The following ZFP64 variants were observed in gnomAD, a reference collection of about 807,000 sequenced individuals.
ZFP64 encodes the protein ZFP64 zinc finger protein.
In ZFP64, 14 loss-of-function variants were observed where a neutral mutation model predicts 51.6. That is an observed-to-expected ratio of 0.27 (90% CI 0.18 to 0.42). The LOEUF is 0.42. Ranked by LOEUF, ZFP64 falls within the 10% of genes least tolerant of loss-of-function variation. The pLI is 1.00. For synonymous variants in ZFP64, 375 were observed against 361.4 expected, an observed-to-expected ratio of 1.04 and a Z score of -0.43; for missense variants, 754 against 906.8, an observed-to-expected ratio of 0.83 and a Z score of 2.16.
At chr20:52,183,089 A>G (rs907051828) in intron 2 of ZFP64, among the ~76,000 whole-genome samples, 1 of 152,158 alleles carries the variant, frequency 6.6e-6, no homozygotes, top group Non-Finnish European at 1.5e-5. Flanking sequence ...CCTGGAGGAA[A>G]TGTGGCTCAT....
At chr20:52,166,416 G>A (rs1430147057) in intron 2 of ZFP64, among the ~76,000 whole-genome samples, 1 of 151,986 alleles carries the variant, frequency 6.6e-6, no homozygotes, top group Non-Finnish European at 1.5e-5. Context: ...GAAATCAGAT[G>A]CTGAGTCAGA....
At chr20:52,132,934 G>A (rs1224928070) in intron 5 of ZFP64, among the ~76,000 whole-genome samples, 1 of 152,038 alleles carries the variant, frequency 6.6e-6, no homozygotes, top group Non-Finnish European at 1.5e-5. Flanking sequence ...CAATATCTCT[G>A]AAGAATATTG....
chr20:52,102,432 A>T (rs983724274), intron 5 of ZFP64, among the ~76,000 whole-genome samples: 2 of 152,122 alleles, frequency 1.3e-5, no homozygotes, highest in Non-Finnish European at 2.9e-5. Flanking sequence ...TTGCTCTGTG[A>T]GCAAGAAACT....
intron 5 of ZFP64, among the ~76,000 whole-genome samples, chr20:52,138,046 TAAATAAATAAGCA>T (rs1377377787): frequency 4.1e-5 from 5 of 123,174 alleles, no homozygotes; most frequent in Admixed American, 8.5e-5. Context: ...AATAAATAAA[TAAATAAATAAGCA>T]AGCCAGGCAT....
chr20:52,186,991 G>C lies in ZFP64; in HGVS notation c.127C>G (p.Leu43Val). ...TGCTTGTGAGCTACAAAGGCATCCA[G>C]GTTGTTAAACTGCTGCTTGCAGATG... ...CGICKQQFNNLDAFVAHKQSG... is the reference protein window; with the variant it reads ...CGICKQQFNNVDAFVAHKQSG... Residue 43 changes from leucine to valine, a missense_variant, in exon 2 of 6, where the codon CTG becomes GTG. By Grantham distance (32) the Leu-to-Val change is conservative (BLOSUM62 1). Coordinates refer to ENST00000216923, the MANE Select transcript of ZFP64 (RefSeq NM_018197.3). 1.9e-6 allele frequency: 3 copies of C among 1,614,168 alleles called. No individual in the cohort carries two copies. The highest frequency in any genetic ancestry group is 2.5e-6 in the Non-Finnish European group (3 of 1,179,998).
rs546297058 is a variant in ZFP64, at chr20:52,160,475, G to A, written c.512-101C>T. ...ACGAAAAAAGTCATATACAACCACCGAAGAATATTCCAAAAACCCTAAAAC... is the reference window on the plus strand; with the variant it reads ...ACGAAAAAAGTCATATACAACCACCAAAGAATATTCCAAAAACCCTAAAAC... On this transcript the variant is annotated intron_variant, in intron 4 of 5. Transcript: ENST00000216923. This position sits in a 1 kb window ranked among gnomAD's most constrained non-coding sequence, Gnocchi z 4.2. 2.3e-5 allele frequency: 33 copies of A among 1,465,040 alleles called. No homozygotes were observed. Among genetic ancestry groups the A allele is most frequent in the South Asian group, 1.9e-4 (14 of 72,034 alleles). 90.8% of individuals were successfully genotyped at this position (1,465,040 alleles called of 1,614,324 possible).
rs770541250 is a variant in ZFP64, at chr20:52,084,634, CGCTTTCCGGTGGGAA to C, written c.1846_1860del (p.Phe616_Ser620del). ...AGGGTGCTGAGCTGTCCCGAGGCAC[CGCTTTCCGGTGGGAA>C]GGTGACCAAGTCTGAGTTCTTGTTC... is the stretch of plus-strand genomic sequence containing the variant. On this transcript the variant is annotated inframe_deletion, in exon 9 of 9. Coordinates refer to the ZFP64 transcript ENST00000361387. 24 of 1,614,068 alleles carry C rather than the reference CGCTTTCCGGTGGGAA, an allele frequency of 1.5e-5. No homozygotes were observed. In the South Asian group the frequency reaches 2.6e-4, roughly 18 times the overall value.
At chr20:52,105,905 A>T (rs1445173946) in intron 5 of ZFP64, among the ~76,000 whole-genome samples, 1 of 151,932 alleles carries the variant, frequency 6.6e-6, no homozygotes, top group Non-Finnish European at 1.5e-5. Flanking sequence ...GGTCATTCTG[A>T]TGTGCATCCA....
chr20:52,101,392 G>C (rs112999914), intron 5 of ZFP64, among the ~76,000 whole-genome samples: 1 of 151,520 alleles, frequency 6.6e-6, no homozygotes, highest in African/African-American at 2.4e-5. Context: ...TTTTTTTTGA[G>C]ACAAGGTCTC....
chr20:52,129,650 G>A (rs532612935), intron 5 of ZFP64, among the ~76,000 whole-genome samples: 230 of 152,156 alleles, frequency 1.5e-3, no homozygotes, highest in Non-Finnish European at 2.4e-3. Flanking sequence ...TGGTCACCCC[G>A]GCCCTGGCCC....
At chr20:52,173,759 C>G (rs923706474) in intron 2 of ZFP64, among the ~76,000 whole-genome samples, 1 of 151,996 alleles carries the variant, frequency 6.6e-6, no homozygotes, top group Non-Finnish European at 1.5e-5. Flanking sequence ...AGTGATTCTC[C>G]TGCCTCAGCC....
intron 5 of ZFP64, among the ~76,000 whole-genome samples, chr20:52,140,732 G>A (rs1051845480): frequency 2.0e-5 from 3 of 152,184 alleles, no homozygotes; most frequent in Non-Finnish European, 4.4e-5. Flanking sequence ...AGCTAAGATC[G>A]TTGATGAAGG....
Position 52,092,211 on chromosome 20 carries a change from G to C in ZFP64, c.977-3568C>G, listed in dbSNP as rs76393754. Among the ~76,000 whole-genome samples the C allele has an allele frequency of 2.4e-3, 369 of 152,268 alleles. 1 individual carries two copies. Among genetic ancestry groups the C allele is most frequent in the African/African-American group, 8.4e-3 (351 of 41,542 alleles). On this transcript the variant is annotated intron_variant, in intron 7 of 8. Coordinates refer to the ZFP64 transcript ENST00000361387. Reference sequence around the variant, plus strand: ...AAAAGAGAGGATACCAACAGATCAGGGTTCTTAATCTCAACACTATTAGAA... The same window carrying C: ...AAAAGAGAGGATACCAACAGATCAGCGTTCTTAATCTCAACACTATTAGAA...
intron 5 of ZFP64, among the ~76,000 whole-genome samples, chr20:52,129,849 A>T (rs924638144): frequency 6.6e-6 from 1 of 152,208 alleles, no homozygotes; most frequent in Non-Finnish European, 1.5e-5. Flanking sequence ...TGTCACCACC[A>T]TGGTATGCCC....
In ZFP64 at chr20:52,130,604, A is replaced by G. The variant is rs530495107; in HGVS notation, c.763+29519T>C. Among the ~76,000 whole-genome samples the G allele has an allele frequency of 9.2e-5, 14 of 152,272 alleles. No homozygotes were observed. The South Asian group carries it at 1.0e-3, about 11-fold the overall frequency. On this transcript the variant is annotated intron_variant, in intron 5 of 8. Coordinates refer to the ZFP64 transcript ENST00000361387. ...TCCTTTTTGCTCATGGAAACTTCAC[A>G]TGTTTCCAGAACAACATCTAGCCTA...
rs1338056699 is a variant in ZFP64 at position 52,152,793 on chromosome 20, G to A, written c.1399C>T (p.Pro467Ser). The change falls in exon 6 of 6, where the codon CCC (proline) becomes TCC (serine). Residue 467 changes from proline (P) to serine (S), a missense_variant. By Grantham distance (74) the Pro-to-Ser change is moderately conservative (BLOSUM62 -1). This residue lies in a region of ZFP64 where 428 missense variants were observed against 472.4 expected (regional missense o/e 0.91). Coordinates refer to ENST00000216923, the MANE Select transcript of ZFP64 (RefSeq NM_018197.3). ...AGGGGCGTGGCGGGCTGCTTGCTGGGGTCGATCTGAAACTGGAGAACGGTC... is the reference window on the plus strand; with the variant it reads ...AGGGGCGTGGCGGGCTGCTTGCTGGAGTCGATCTGAAACTGGAGAACGGTC... ...DVTVLQFQID[P>S]SKQPATPLTV... 2 of 1,609,348 alleles carry A rather than the reference G, an allele frequency of 1.2e-6. No individual in the cohort carries two copies. Among genetic ancestry groups the A allele is most frequent in the African/African-American group, 1.3e-5 (1 of 74,880 alleles).
intron 7 of ZFP64, chr20:52,088,990 C>T (rs762782963): frequency 9.4e-6 from 5 of 530,908 alleles, no homozygotes; most frequent in Non-Finnish European, 1.9e-5. Context: ...GGAGAATGGT[C>T]AGGTGGACCC....
At chr20:52,122,993 CTCTT>C (rs1189753432) in intron 5 of ZFP64, among the ~76,000 whole-genome samples, 1 of 120,912 alleles carries the variant, frequency 8.3e-6, no homozygotes, top group East Asian at 2.0e-4. Context: ...AGGGGATTGA[CTCTT>C]TTTTTTTTCA....
intron 7 of ZFP64, among the ~76,000 whole-genome samples, chr20:52,095,688 T>A (rs965151335): frequency 6.6e-6 from 1 of 152,212 alleles, no homozygotes; most frequent in Non-Finnish European, 1.5e-5. Context: ...ATCTTTTATG[T>A]CCTGGATCCC....
Sources: gnomAD v4.1 joint callset for allele counts (sites outside exome capture counted in the v4.1 genomes callset) on GRCh38, gnomAD v4.1.1 for gene constraint, gnomAD v4.1.1 regional missense constraint, Gnocchi (gnomAD v3.1) non-coding constraint, MANE v1.5 for transcripts, NCBI Gene and HGNC (gene_info 2026-07-23, HGNC 2026-07-21) for gene names.